Variants in ZNF823 observed in about 807,000 individuals in gnomAD.
ZNF823 encodes zinc finger protein 823.
In ZNF823, 5 loss-of-function variants were observed where a neutral mutation model predicts 11.4. That is an observed-to-expected ratio of 0.44 (90% CI 0.23 to 0.92). The LOEUF (loss-of-function observed/expected upper bound fraction) is 0.92. Among genes scored for constraint, ZNF823 ranks in the 40% least tolerant of loss-of-function variants. The probability of loss-of-function intolerance (pLI) is 0.24; values close to 1 mark genes in which losing one functional copy is unlikely to be tolerated. For synonymous variants in ZNF823, 234 were observed against 250.5 expected (o/e 0.93, Z 0.62); for missense variants, 582 against 738.5 (o/e 0.79, Z 2.46).
intron 3 of ZNF823, 146 bp from the exon 4 acceptor site, chr19:11,723,488 G>T: frequency 1.5e-6 from 1 of 685,962 alleles, no homozygotes; most frequent in Non-Finnish European, 2.4e-6. Context: ...TGCTGTGTAA[G>T]ATGGTCCCAT....
At position 11,721,408 on chromosome 19, in the gene ZNF823, G is replaced by C. The variant is rs555718243; in HGVS notation, c.*293C>G. 8.6e-5 allele frequency: 23 copies of C among 267,826 alleles called. No homozygotes were observed. Among genetic ancestry groups the C allele is most frequent in the African/African-American group, 4.2e-4 (19 of 45,334 alleles). 16.6% of individuals were successfully genotyped at this position (267,826 alleles called of 1,614,324 possible). ...ATACAATCAAACAACTATTTACATA[G>C]CTTTTACAATGCATGAGGTATTAAA... On this transcript the variant is annotated 3_prime_UTR_variant, in exon 4 of 4. Transcript: ENST00000341191.
chr19:11,735,274 C>CAAA (rs1386385553), intron 1 of ZNF823, among the ~76,000 whole-genome samples: 22 of 55,822 alleles, frequency 3.9e-4, no homozygotes, highest in African/African-American at 1.3e-3. Context: ...GACTCCATTT[C>CAAA]AAAAAACAAA....
At chr19:11,737,569 T>TC (rs539219462) in intron 1 of ZNF823, among the ~76,000 whole-genome samples, 3 of 117,528 alleles carry the variant, frequency 2.6e-5, no homozygotes, top group Non-Finnish European at 5.5e-5. Flanking sequence ...GCTTTTTTTT[T>TC]TTTTTTTTTT....
chr19:11,737,325 G>A (rs773901188), intron 1 of ZNF823, among the ~76,000 whole-genome samples: 4 of 151,952 alleles, frequency 2.6e-5, no homozygotes, highest in Non-Finnish European at 5.9e-5. Flanking sequence ...GTGCAATGGC[G>A]TGATCTTGGC....
At chr19:11,725,958 TG>T (rs1300108335) in intron 1 of ZNF823, 1 of 151,476 alleles carries the variant, frequency 6.6e-6, no homozygotes, top group African/African-American at 2.4e-5. Flanking sequence ...TCTGACTCAG[TG>T]GCTCATGCCT....
intron 1 of ZNF823, among the ~76,000 whole-genome samples, chr19:11,727,205 T>C (rs1974806423): frequency 6.6e-6 from 1 of 151,976 alleles, no homozygotes; most frequent in Non-Finnish European, 1.5e-5. Flanking sequence ...GTCACAAATA[T>C]CTGAAAAGGT....
intron 1 of ZNF823, among the ~76,000 whole-genome samples, chr19:11,738,007 TC>T (rs1975025662): frequency 1.3e-5 from 2 of 152,264 alleles, no homozygotes; most frequent in Middle Eastern, 3.4e-3. Context: ...CTGGTGACCC[TC>T]CGTTGTCACC....
At chr19:11,734,046 G>A (rs372065191) in intron 1 of ZNF823, among the ~76,000 whole-genome samples, 14 of 151,966 alleles carry the variant, frequency 9.2e-5, no homozygotes, top group African/African-American at 3.4e-4. Flanking sequence ...ACCAGCCTGG[G>A]CAACATGGTG....
At chr19:11,737,981 C>T (rs922220293) in intron 1 of ZNF823, among the ~76,000 whole-genome samples, 2 of 152,166 alleles carry the variant, frequency 1.3e-5, no homozygotes, top group Admixed American at 1.3e-4. Flanking sequence ...CCCACACACA[C>T]GAGTCTGGAT....
At chr19:11,728,369 G>A in intron 1 of ZNF823, among the ~76,000 whole-genome samples, 1 of 152,082 alleles carries the variant, frequency 6.6e-6, no homozygotes, top group Non-Finnish European at 1.5e-5. Flanking sequence ...CAGAAATTAG[G>A]GTACTGAAAA....
intron 1 of ZNF823, among the ~76,000 whole-genome samples, chr19:11,732,912 G>A (rs569731831): frequency 3.4e-4 from 52 of 152,306 alleles, no homozygotes; most frequent in Middle Eastern, 3.4e-3. Context: ...TGCTCTTTCA[G>A]GTCACCAGTC....
rs933094291 is a variant in ZNF823 at position 11,722,679 on chromosome 19, G to A, written c.855C>T (p.Phe285=). 5 of 1,613,884 alleles carry A rather than the reference G, an allele frequency of 3.1e-6. No homozygotes were observed. In the African/African-American group the frequency reaches 6.7e-5, roughly 22 times the overall value. Residue 285 remains phenylalanine, a synonymous_variant, in exon 4 of 4, where the codon TTC becomes TTT. Transcript: ENST00000341191. The surrounding 1 kb of genome is among the most constrained non-coding windows in gnomAD (Gnocchi z 5.2). ...GTAGTCGAGTGTAATAGTAACAGCT[G>A]AAGGCTTTCCCACATTGTGTACATT... The part of the protein sequence containing the change: ...PYKCTQCGKA[F]SCYYYTRLHE...
intron 1 of ZNF823, among the ~76,000 whole-genome samples, chr19:11,737,772 C>A (rs6511748): frequency 0.077 from 11,631 of 152,022 alleles, 905 homozygotes; most frequent in African/African-American, 0.2. Context: ...TGATGAGAGA[C>A]AGTTAGCCTG....
rs865985317 is a variant in ZNF823 at position 11,722,210 on chromosome 19, T to C, written c.1324A>G (p.Lys442Glu). The C allele has an allele frequency of 1.2e-6, 2 of 1,614,068 alleles. No homozygotes were observed. Residue 442 changes from lysine (K) to glutamate (E), a missense_variant, in exon 4 of 4, where the codon AAA becomes GAA. By Grantham distance (56) the Lys-to-Glu change is moderately conservative (BLOSUM62 1). Transcript: ENST00000341191. This position sits in a 1 kb window ranked among gnomAD's most constrained non-coding sequence, Gnocchi z 5.2. ...RRHEATHTGV[K>E]PYKCQCGKAF... is the part of the protein sequence containing the mutation. ...TTCCCACACTGACATTTATAGGGTT[T>C]CACTCCAGTGTGAGTTGCTTCATGT...
intron 3 of ZNF823, among the ~76,000 whole-genome samples, chr19:11,723,695 G>A (rs112687079): frequency 1.3e-5 from 2 of 152,234 alleles, no homozygotes; most frequent in African/African-American, 4.8e-5. Flanking sequence ...ACAGGCATGC[G>A]CCACCACGCC....
rs1389741733 is a variant in ZNF823, at chr19:11,722,870, A to G, written c.664T>C (p.Cys222Arg). ...RTHTGEKPYE[C>R]KQCSKAFPFY... ...GGAAAGGCTTTAGAACACTGCTTAC[A>G]TTCATACGGTTTCTCTCCAGTGTGT... Residue 222 changes from cysteine to arginine, a missense_variant, in exon 4 of 4, where the codon TGT becomes CGT. Physicochemically the swap from Cys to Arg is radical, Grantham distance 180 (BLOSUM62 -3). Coordinates refer to ENST00000341191, the MANE Select transcript of ZNF823 (RefSeq NM_001080493.4). This position sits in a 1 kb window ranked among gnomAD's most constrained non-coding sequence, Gnocchi z 5.2. 1.9e-6 allele frequency: 3 copies of G among 1,614,092 alleles called. No homozygotes were observed. Among genetic ancestry groups the G allele is most frequent in the Non-Finnish European group, 2.5e-6 (3 of 1,180,052 alleles).
At chr19:11,728,935 T>C (rs1974844788) in intron 1 of ZNF823, among the ~76,000 whole-genome samples, 1 of 152,082 alleles carries the variant, frequency 6.6e-6, no homozygotes, top group Admixed American at 6.6e-5. Context: ...CATTTTGGAA[T>C]GCTGAGGCGG....
Position 11,722,949 on chromosome 19 carries a change from C to T in ZNF823, c.585G>A (p.Lys195=), listed in dbSNP as rs774393569. 1.8e-5 allele frequency: 29 copies of T among 1,614,102 alleles called. No individual in the cohort carries two copies. The highest frequency in any genetic ancestry group is 8.5e-7 in the Non-Finnish European group (1 of 1,180,052). ...AHHGDGPYKC[K]LCGKAFVWPS... is the part of the protein sequence containing the mutation. The stretch of plus-strand genomic sequence containing the variant: ...GCCAAACAAAGGCTTTCCCACACAA[C>T]TTACATTTATAAGGTCCATCTCCAT... The change falls in exon 4 of 4, where the codon AAG becomes AAA. Residue 195 remains lysine (K), a synonymous_variant. Coordinates refer to ENST00000341191, the MANE Select transcript of ZNF823 (RefSeq NM_001080493.4). This position sits in a 1 kb window ranked among gnomAD's most constrained non-coding sequence, Gnocchi z 5.2.
At chr19:11,737,401 T>C (rs1408535467) in intron 1 of ZNF823, among the ~76,000 whole-genome samples, 1 of 152,124 alleles carries the variant, frequency 6.6e-6, no homozygotes, top group Non-Finnish European at 1.5e-5. Flanking sequence ...GTAGCTGGGA[T>C]TACAGGCATG....
Sources: gnomAD v4.1 joint callset for allele counts (sites outside exome capture counted in the v4.1 genomes callset) on GRCh38, gnomAD v4.1.1 for gene constraint, Gnocchi (gnomAD v3.1) non-coding constraint, MANE v1.5 for transcripts, NCBI Gene and HGNC (gene_info 2026-07-23, HGNC 2026-07-21) for gene names.